Variants in CABCOCO1 observed in about 807,000 individuals in gnomAD.
CABCOCO1 encodes the protein ciliary-associated calcium-binding coiled-coil protein 1.
A neutral mutation model predicts 35.7 loss-of-function variants in CABCOCO1; 28 were observed. That is an observed-to-expected ratio of 0.78 (90% confidence interval 0.58 to 1.07). CABCOCO1 has a LOEUF of 1.07. Ranked by LOEUF, CABCOCO1 falls within the 50% of genes least tolerant of loss-of-function variation. The probability of loss-of-function intolerance (pLI) is 0.00; values close to 1 mark genes in which losing one functional copy is unlikely to be tolerated. For missense variants in CABCOCO1, 326 were observed against 309.2 expected (o/e 1.05, Z -0.41); for synonymous variants, 95 against 100.1 (o/e 0.95, Z 0.30).
chr10:61,684,298 C>T (rs1044105770), intron 3 of CABCOCO1, among the ~76,000 whole-genome samples: 4 of 152,180 alleles, frequency 2.6e-5, no homozygotes, highest in East Asian at 1.9e-4. Context: ...ATGCTTCTTT[C>T]TAATTCCTAT....
intron 5 of CABCOCO1, among the ~76,000 whole-genome samples, chr10:61,739,671 G>C (rs1171314714): frequency 1.3e-5 from 2 of 152,150 alleles, no homozygotes; most frequent in African/African-American, 2.4e-5. Flanking sequence ...AAAAATATTG[G>C]CTGGGTGCAG....
At chr10:61,695,940 G>A (rs1840283892) in intron 5 of CABCOCO1, among the ~76,000 whole-genome samples, 1 of 152,024 alleles carries the variant, frequency 6.6e-6, no homozygotes, top group East Asian at 1.9e-4. Flanking sequence ...ACTAATGGGT[G>A]CTCTCCAGGC....
Position 61,662,947 on chromosome 10 carries a change from C to A in CABCOCO1, c.-26C>A. 3 of 391,662 alleles carry A rather than the reference C, an allele frequency of 7.7e-6. 1 individual carries two copies. The highest frequency in any genetic ancestry group is 5.3e-5 in the South Asian group (3 of 56,180). 24.3% of individuals were successfully genotyped at this position (391,662 alleles called of 1,614,324 possible). ...CCCAGTTGCCTAGGTGACGAGGGGCCGCTTCTCTCGGCCGAGATTGCGGCG... is the reference window on the plus strand; with the variant it reads ...CCCAGTTGCCTAGGTGACGAGGGGCAGCTTCTCTCGGCCGAGATTGCGGCG... On this transcript the variant is annotated 5_prime_UTR_variant, in exon 1 of 8. Transcript: ENST00000648843.
intron 5 of CABCOCO1, among the ~76,000 whole-genome samples, chr10:61,721,816 T>G (rs1350235190): frequency 6.6e-6 from 1 of 152,182 alleles, no homozygotes; most frequent in Non-Finnish European, 1.5e-5. Flanking sequence ...CGACAGATTT[T>G]GGGTGCAAAA....
At chr10:61,738,255 G>A (rs1055309523) in intron 5 of CABCOCO1, among the ~76,000 whole-genome samples, 1 of 152,076 alleles carries the variant, frequency 6.6e-6, no homozygotes, top group African/African-American at 2.4e-5. Context: ...TCTCCCAAAA[G>A]AGACAGGAAT....
At chr10:61,694,602 G>A (rs772831940) in intron 5 of CABCOCO1, among the ~76,000 whole-genome samples, 14 of 151,900 alleles carry the variant, frequency 9.2e-5, no homozygotes, top group Non-Finnish European at 1.5e-4. Flanking sequence ...CTTCCACTGA[G>A]AACAACTAGA....
intron 3 of CABCOCO1, among the ~76,000 whole-genome samples, chr10:61,681,544 C>A (rs2131977834): frequency 6.6e-6 from 1 of 152,156 alleles, no homozygotes; most frequent in South Asian, 2.1e-4. Flanking sequence ...ATGTTAATTT[C>A]ATTTTAAAGT....
intron 5 of CABCOCO1, among the ~76,000 whole-genome samples, chr10:61,699,293 T>G (rs1840377421): frequency 6.6e-6 from 1 of 152,142 alleles, no homozygotes; most frequent in Non-Finnish European, 1.5e-5. Flanking sequence ...AAAATAATCA[T>G]CCCTCTCTAA....
chr10:61,701,731 C>A (rs1191935183), intron 5 of CABCOCO1: 1 of 985,112 alleles, frequency 1.0e-6, no homozygotes, highest in Non-Finnish European at 1.2e-6. Context: ...GTATCAGGTT[C>A]AGCAACCCAC....
intron 2 of CABCOCO1, among the ~76,000 whole-genome samples, chr10:61,680,268 C>A (rs1480714306): frequency 6.8e-6 from 1 of 147,992 alleles, no homozygotes; most frequent in Non-Finnish European, 1.5e-5. Flanking sequence ...GCCAAGATCA[C>A]ACAACTGCAC....
intron 2 of CABCOCO1, 93 bp from the exon 3 acceptor site, chr10:61,681,050 C>T (rs1839776002): frequency 1.5e-6 from 1 of 649,774 alleles, no homozygotes; most frequent in Non-Finnish European, 2.1e-6. Context: ...AGATTATGGG[C>T]ATTAAAGAAA....
At chr10:61,704,076 T>C (rs77046805) in intron 5 of CABCOCO1, among the ~76,000 whole-genome samples, 1 of 151,468 alleles carries the variant, frequency 6.6e-6, no homozygotes, top group Non-Finnish European at 1.5e-5. Context: ...AAAAAAAAAT[T>C]AGCTGGGCGT....
In CABCOCO1 at chr10:61,680,607, A is replaced by T. The variant is rs1564532512; in HGVS notation, c.165-536A>T. Among the ~76,000 whole-genome samples, 39 of 10,816 alleles carry T rather than the reference A, an allele frequency of 3.6e-3. 2 individuals are homozygous for T. The highest frequency in any genetic ancestry group is 6.8e-3 in the South Asian group (3 of 440). The allele number at this position is 10,816 out of a possible 152,430, so 7.1% of individuals were successfully genotyped here. On this transcript the variant is annotated intron_variant, in intron 2 of 7. Coordinates refer to ENST00000648843, the MANE Select transcript of CABCOCO1 (RefSeq NM_001366906.2). ...ATATAACATATGTTATACATGTATAACATGTTATACATAACATATACATGT... is the reference window on the plus strand; with the variant it reads ...ATATAACATATGTTATACATGTATATCATGTTATACATAACATATACATGT...
At position 61,761,021 on chromosome 10, in the gene CABCOCO1, T is replaced by C. The variant is rs546979607; in HGVS notation, c.816+18T>C. ...GCATTCAGGTACTCAGTATTGATAG[T>C]ATGCTCACTTACTTTATTACTGGTT... On this transcript the variant is annotated intron_variant, in intron 7 of 7. Transcript: ENST00000648843. The C allele has an allele frequency of 3.1e-6, 5 of 1,609,288 alleles. No homozygotes were observed. Among genetic ancestry groups the C allele is most frequent in the Admixed American group, 3.4e-5 (2 of 59,548 alleles).
At chr10:61,738,963 C>T (rs1307726939) in intron 5 of CABCOCO1, among the ~76,000 whole-genome samples, 1 of 152,108 alleles carries the variant, frequency 6.6e-6, no homozygotes, top group African/African-American at 2.4e-5. Context: ...ATGGACATTG[C>T]TAATTACAAG....
chr10:61,737,503 G>A (rs764130266), intron 5 of CABCOCO1, among the ~76,000 whole-genome samples: 10 of 152,086 alleles, frequency 6.6e-5, no homozygotes, highest in Non-Finnish European at 1.2e-4. Context: ...ACACATTCAC[G>A]CGAATTTTTG....
At chr10:61,706,864 T>C (rs534296472) in intron 5 of CABCOCO1, among the ~76,000 whole-genome samples, 51 of 152,250 alleles carry the variant, frequency 3.3e-4, no homozygotes, top group African/African-American at 1.2e-3. Flanking sequence ...TCTCCCTGTA[T>C]TCTGGAAACT....
Position 61,766,087 on chromosome 10 carries a change from G to A in CABCOCO1, c.*74G>A. ...ACCAGCCAGAATAACAGACTCTCTG[G>A]AGCGTCGTGTCTCCATCACTTAGTT... is the stretch of plus-strand genomic sequence containing the variant. On this transcript the variant is annotated 3_prime_UTR_variant, in exon 8 of 8. Coordinates refer to ENST00000648843, the MANE Select transcript of CABCOCO1 (RefSeq NM_001366906.2). 7.5e-7 allele frequency: 1 copy of A among 1,336,084 alleles called. No homozygotes were observed. Among genetic ancestry groups the A allele is most frequent in the South Asian group, 1.3e-5 (1 of 79,446 alleles). 82.8% of individuals were successfully genotyped at this position (1,336,084 alleles called of 1,614,324 possible). A position where few individuals can be genotyped will look rare whatever the true frequency, so the allele number is the denominator to read the frequency against.
At chr10:61,694,917 G>T (rs1416477139) in intron 5 of CABCOCO1, among the ~76,000 whole-genome samples, 1 of 152,044 alleles carries the variant, frequency 6.6e-6, no homozygotes, top group African/African-American at 2.4e-5. Context: ...AATTCCAAAT[G>T]TTCTCCATTT....
Sources: allele counts gnomAD v4.1 joint callset (sites outside exome capture counted in the v4.1 genomes callset), GRCh38; gene constraint gnomAD v4.1.1; transcripts MANE v1.5; gene names NCBI Gene and HGNC (gene_info 2026-07-23, HGNC 2026-07-21).